The following GRK5 variants were observed in gnomAD, a reference collection of about 807,000 sequenced individuals.
The protein encoded by GRK5 is G protein-coupled receptor kinase 5.
In GRK5, 40 loss-of-function variants were observed where a neutral mutation model predicts 78.4. That is an observed-to-expected ratio of 0.51 (90% CI 0.40 to 0.66). The LOEUF is 0.66. Among genes scored for constraint, GRK5 ranks in the 30% least tolerant of loss-of-function variants. GRK5 has a pLI of 0.00. For missense variants in GRK5, 598 were observed against 759.9 expected (o/e 0.79, Z 2.50); for synonymous variants, 289 against 296.8 (o/e 0.97, Z 0.27).
rs1048296826 is a variant in GRK5 at position 119,396,785 on chromosome 10, C to G, written c.339+13C>G. On this transcript the variant is annotated intron_variant, in intron 4 of 15. Transcript: ENST00000392870. ...CCTCACCCCAAAGGTAAGGAGTCTTCCAAACCCCACAGCAGGTGGCACAGG... is the reference window on the plus strand; with the variant it reads ...CCTCACCCCAAAGGTAAGGAGTCTTGCAAACCCCACAGCAGGTGGCACAGG... 6.2e-7 allele frequency: 1 copy of G among 1,603,836 alleles called. No homozygotes were observed. Among genetic ancestry groups the G allele is most frequent in the African/African-American group, 1.3e-5 (1 of 74,706 alleles).
intron 3 of GRK5, among the ~76,000 whole-genome samples, chr10:119,382,697 A>G (rs1851732769): frequency 6.6e-6 from 1 of 152,186 alleles, no homozygotes; most frequent in African/African-American, 2.4e-5. Flanking sequence ...AAATGTTAGT[A>G]TTCAGATTTC....
chr10:119,351,140 A>G (rs1322135685), intron 2 of GRK5, among the ~76,000 whole-genome samples: 2 of 152,242 alleles, frequency 1.3e-5, no homozygotes, highest in East Asian at 1.9e-4. Flanking sequence ...AATGTATGTC[A>G]TTAAAAAAAT....
chr10:119,279,448 G>C (rs1489272786), intron 1 of GRK5, among the ~76,000 whole-genome samples: 1 of 152,228 alleles, frequency 6.6e-6, no homozygotes, highest in Non-Finnish European at 1.5e-5. Context: ...CAGCATCCTG[G>C]GGGAGAGAAA....
chr10:119,225,483 CG>C (rs1564854539), intron 1 of GRK5, among the ~76,000 whole-genome samples: 3 of 152,060 alleles, frequency 2.0e-5, no homozygotes, highest in African/African-American at 7.2e-5. Context: ...TTGTCACATA[CG>C]GGGGAAGAGG....
chr10:119,430,558 G>A lies in GRK5; in HGVS notation c.597+120G>A. 1 of 790,278 alleles carries A rather than the reference G, an allele frequency of 1.3e-6. No homozygotes were observed. The allele number at this position is 790,278 out of a possible 1,614,324, so 49.0% of individuals were successfully genotyped here. A position where few individuals can be genotyped will look rare whatever the true frequency, so the allele number is the denominator to read the frequency against. ...CCCCCGGGGGCACCAGTGGCTCAAT[G>A]TGGGCCCCGGGGGCAGTGAGGGTGG... On this transcript the variant is annotated intron_variant, in intron 7 of 15. Transcript: ENST00000392870. The surrounding 1 kb of genome is among the most constrained non-coding windows in gnomAD (Gnocchi z 4.5).
intron 1 of GRK5, among the ~76,000 whole-genome samples, chr10:119,270,987 C>T (rs532122311): frequency 7.7e-4 from 117 of 152,246 alleles, no homozygotes; most frequent in African/African-American, 2.6e-3. Context: ...AAGGCTGAAG[C>T]GATAGGATGA....
At chr10:119,433,058 G>A (rs895020917) in intron 8 of GRK5, among the ~76,000 whole-genome samples, 1 of 152,206 alleles carries the variant, frequency 6.6e-6, no homozygotes, top group Non-Finnish European at 1.5e-5. Context: ...GTGACAGAGT[G>A]AGACTTTGTT....
At chr10:119,303,774 G>A (rs946741492) in intron 1 of GRK5, among the ~76,000 whole-genome samples, 4 of 152,038 alleles carry the variant, frequency 2.6e-5, no homozygotes, top group African/African-American at 9.7e-5. Flanking sequence ...GCCATAGGGA[G>A]GGGGACAGGT....
chr10:119,286,094 T>G (rs1849842950), intron 1 of GRK5, among the ~76,000 whole-genome samples: 1 of 152,236 alleles, frequency 6.6e-6, no homozygotes, highest in South Asian at 2.1e-4. Context: ...TTACTTTCAT[T>G]TTTATGTATT....
intron 1 of GRK5, among the ~76,000 whole-genome samples, chr10:119,220,053 G>A (rs1848634931): frequency 1.3e-5 from 2 of 152,166 alleles, no homozygotes; most frequent in African/African-American, 4.8e-5. Flanking sequence ...TCTGCTCATG[G>A]GCAGGGAGGC....
At chr10:119,221,826 A>C (rs1367307969) in intron 1 of GRK5, among the ~76,000 whole-genome samples, 1 of 152,234 alleles carries the variant, frequency 6.6e-6, no homozygotes, top group Non-Finnish European at 1.5e-5. Flanking sequence ...TACATGTGAC[A>C]TGACATTTCT....
Position 119,362,913 on chromosome 10 carries a change from A to G in GRK5, c.149-17902A>G, listed in dbSNP as rs558928766. ...CCATTTAACCCCTTATTGGCAGCCT[A>G]TGCTCACACTCTTTCCTGGTTGGCA... On this transcript the variant is annotated intron_variant, in intron 2 of 15. Transcript: ENST00000392870. 2.0e-4 allele frequency among the ~76,000 whole-genome samples: 31 copies of G among 152,224 alleles called. No homozygotes were observed. The South Asian group carries it at 5.6e-3, about 28-fold the overall frequency.
At chr10:119,437,046 G>A (rs1852935313) in intron 9 of GRK5, among the ~76,000 whole-genome samples, 1 of 152,234 alleles carries the variant, frequency 6.6e-6, no homozygotes, top group Non-Finnish European at 1.5e-5. Context: ...CCTCTGGCCA[G>A]TGTTCTCCAG....
Position 119,238,687 on chromosome 10 carries a change from G to T in GRK5, c.52+30718G>T, listed in dbSNP as rs1848971964. Among the ~76,000 whole-genome samples, 3 of 152,156 alleles carry T rather than the reference G, an allele frequency of 2.0e-5. No homozygotes were observed. Among genetic ancestry groups the T allele is most frequent in the African/African-American group, 7.2e-5 (3 of 41,436 alleles). ...TATCACTTTTACTTAAAAGTGAACT[G>T]CACGGGGGTTGACTCTTTCAAGGCC... On this transcript the variant is annotated intron_variant, in intron 1 of 15. Coordinates refer to ENST00000392870, the MANE Select transcript of GRK5 (RefSeq NM_005308.3). The surrounding 1 kb of genome is among the most constrained non-coding windows in gnomAD (Gnocchi z 4.7).
chr10:119,316,606 G>A lies in GRK5; in HGVS notation c.53-9910G>A, dbSNP rs150767262. Among the ~76,000 whole-genome samples the A allele has an allele frequency of 7.0e-3, 1,073 of 152,314 alleles. 8 individuals carry two copies. Among genetic ancestry groups the A allele is most frequent in the Non-Finnish European group, 0.012 (807 of 68,030 alleles). Reference sequence around the variant, plus strand: ...AGACTCCCTCGCAGAACCCAGTGCAGCGCTACACTGACAATTACAGTTCTA... The same window carrying A: ...AGACTCCCTCGCAGAACCCAGTGCAACGCTACACTGACAATTACAGTTCTA... On this transcript the variant is annotated intron_variant, in intron 1 of 15. Transcript: ENST00000392870.
intron 1 of GRK5, among the ~76,000 whole-genome samples, chr10:119,231,661 C>G (rs1207391959): frequency 6.8e-6 from 1 of 148,010 alleles, no homozygotes; most frequent in Non-Finnish European, 1.5e-5. Flanking sequence ...GAGCCGAGAT[C>G]GTGCCACCGC....
chr10:119,398,590 C>A (rs1351511233), intron 4 of GRK5, among the ~76,000 whole-genome samples: 1 of 152,224 alleles, frequency 6.6e-6, no homozygotes, highest in Non-Finnish European at 1.5e-5. Flanking sequence ...ATGTGTCCCC[C>A]CCAAACAATG....
intron 1 of GRK5, among the ~76,000 whole-genome samples, chr10:119,275,847 C>T (rs930950950): frequency 1.3e-5 from 2 of 152,088 alleles, no homozygotes; most frequent in Non-Finnish European, 2.9e-5. Context: ...CTTAGTGTTC[C>T]GAATTCAACA....
intron 11 of GRK5, 68 bp downstream of exon 11, chr10:119,442,156 CCAGAGCCTGCCCG>C (rs1853050752): frequency 4.0e-6 from 5 of 1,256,822 alleles, no homozygotes; most frequent in Admixed American, 1.7e-5. Context: ...GGCCGAGCCC[CCAGAGCCTGCCCG>C]CAGAGCCTCT....
Sources: gnomAD v4.1 joint callset for allele counts (sites outside exome capture counted in the v4.1 genomes callset) on GRCh38, gnomAD v4.1.1 for gene constraint, Gnocchi (gnomAD v3.1) non-coding constraint, MANE v1.5 for transcripts, NCBI Gene and HGNC (gene_info 2026-07-23, HGNC 2026-07-21) for gene names.